OXNAD1: variants seen among roughly 807,000 people sequenced by gnomAD.
The protein encoded by OXNAD1 is oxidoreductase NAD binding domain containing 1.
OXNAD1 carries 34 observed loss-of-function variants against 32.9 expected under a neutral mutation model. The observed-to-expected ratio is 1.03, with a 90% confidence interval of 0.79 to 1.38. The LOEUF (loss-of-function observed/expected upper bound fraction) is 1.38. Ranked by LOEUF, OXNAD1 falls within the 40% of genes most tolerant of loss-of-function variation. The probability of loss-of-function intolerance (pLI) is 0.00; values close to 1 mark genes in which losing one functional copy is unlikely to be tolerated. For missense variants in OXNAD1, 407 were observed against 379.4 expected, an observed-to-expected ratio of 1.07 and a Z score of -0.60; for synonymous variants, 134 against 135.2, an observed-to-expected ratio of 0.99 and a Z score of 0.06.
intron 9 of OXNAD1, among the ~76,000 whole-genome samples, chr3:16,311,685 T>A (rs1051519011): frequency 2.0e-5 from 3 of 152,122 alleles, no homozygotes; most frequent in African/African-American, 7.2e-5. Flanking sequence ...TATCCCCTTC[T>A]TTGCTAAGAT....
chr3:16,310,465 A>C (rs950381409), downstream of OXNAD1, among the ~76,000 whole-genome samples: 2 of 152,214 alleles, frequency 1.3e-5, no homozygotes, highest in African/African-American at 4.8e-5. Flanking sequence ...GAAAAATCCA[A>C]ATCCAAACTG....
downstream of OXNAD1, among the ~76,000 whole-genome samples, chr3:16,311,029 T>TC (rs2067945672): frequency 6.8e-6 from 1 of 146,360 alleles, no homozygotes; most frequent in Non-Finnish European, 1.5e-5. Context: ...CTGGGAGAAT[T>TC]CCCACTCTGC....
rs1399422235 is a variant in OXNAD1 at position 16,321,955 on chromosome 3, CTG to C, written c.*31-15152_*31-15151del. On this transcript the variant is annotated intron_variant, in intron 9 of 9. Transcript: ENST00000435829. The surrounding 1 kb of genome is among the most constrained non-coding windows in gnomAD (Gnocchi z 4.8). ...CAACCACATGTCTCTCCTTTGGAATCTGTGTGCCCCACCACCAGGAACCTGTT... is the reference window on the plus strand; with the variant it reads ...CAACCACATGTCTCTCCTTTGGAATCTGTGCCCCACCACCAGGAACCTGTT... Among the ~76,000 whole-genome samples, 1 of 152,220 alleles carries C rather than the reference CTG, an allele frequency of 6.6e-6. No individual in the cohort carries two copies. The highest frequency in any genetic ancestry group is 1.5e-5 in the Non-Finnish European group (1 of 68,036).
rs1007066544 is a variant in OXNAD1, at chr3:16,301,686, C to G, written c.493C>G (p.Pro165Ala). Residue 165 changes from proline to alanine, a missense_variant, in exon 7 of 9, where the codon CCT (proline) becomes GCT (alanine). Pro to Ala is a conservative substitution (Grantham distance 27, BLOSUM62 -1). Coordinates refer to ENST00000285083, the MANE Select transcript of OXNAD1 (RefSeq NM_138381.5). The surrounding 1 kb of genome is among the most constrained non-coding windows in gnomAD (Gnocchi z 4.1). ...TGGAGAGTTCTTCTTTGACCCTCAGCCTGCGGATGCCTCTAGAAACCTCGT... is the reference window on the plus strand; with the variant it reads ...TGGAGAGTTCTTCTTTGACCCTCAGGCTGCGGATGCCTCTAGAAACCTCGT... ...VGGEFFFDPQ[P>A]ADASRNLVLI... 6.2e-7 allele frequency: 1 copy of G among 1,613,924 alleles called. No homozygotes were observed.
At chr3:16,328,262 G>A (rs928468221) in intron 9 of OXNAD1, among the ~76,000 whole-genome samples, 1 of 152,228 alleles carries the variant, frequency 6.6e-6, no homozygotes, top group Admixed American at 6.5e-5. Context: ...GGCAAAGCTG[G>A]GCCTAGAGTG....
rs2070906127 is a variant in OXNAD1, at chr3:16,336,893, G to A, written c.*31-219G>A. ...TTGTTATTATTACATGAAACATATT[G>A]TTTGGAAGAATGGTGTCTATTATGA... On this transcript the variant is annotated intron_variant, in intron 9 of 9. Coordinates refer to the OXNAD1 transcript ENST00000435829. This position sits in a 1 kb window ranked among gnomAD's most constrained non-coding sequence, Gnocchi z 6.0. 6.6e-6 allele frequency among the ~76,000 whole-genome samples: 1 copy of A among 152,116 alleles called. No homozygotes were observed. The highest frequency in any genetic ancestry group is 1.5e-5 in the Non-Finnish European group (1 of 68,022).
chr3:16,332,976 T>C (rs948612275), intron 9 of OXNAD1, among the ~76,000 whole-genome samples: 6 of 152,226 alleles, frequency 3.9e-5, no homozygotes, highest in African/African-American at 1.2e-4. Flanking sequence ...TGGAAGCATC[T>C]GGTCGCAACA....
At chr3:16,340,689 G>C (rs2071260156), downstream of OXNAD1, among the ~76,000 whole-genome samples, 1 of 152,216 alleles carries the variant, frequency 6.6e-6, no homozygotes, top group Non-Finnish European at 1.5e-5. Flanking sequence ...AGGTAACTCT[G>C]CAGTTATAGA....
At chr3:16,306,579 C>G (rs577045957), downstream of OXNAD1, among the ~76,000 whole-genome samples, 1 of 152,112 alleles carries the variant, frequency 6.6e-6, no homozygotes, top group East Asian at 1.9e-4. Flanking sequence ...CTCCTTACAC[C>G]CCCTACACAT....
rs560464968 is a variant in OXNAD1, at chr3:16,335,371, C to G, written c.*31-1741C>G. On this transcript the variant is annotated intron_variant, in intron 9 of 9. Coordinates refer to the OXNAD1 transcript ENST00000435829. This position sits in a 1 kb window ranked among gnomAD's most constrained non-coding sequence, Gnocchi z 4.7. The stretch of plus-strand genomic sequence containing the variant: ...CCCTTGGACAATCCTGCATGGGAAA[C>G]AGGCTTAAGAAGGGAGTTTGTACCA... Among the ~76,000 whole-genome samples the G allele has an allele frequency of 2.6e-5, 4 of 152,280 alleles. No homozygotes were observed. The East Asian group carries it at 7.7e-4, about 29-fold the overall frequency.
rs1031634920 is a variant in OXNAD1, at chr3:16,334,409, G to A, written c.*31-2703G>A. Among the ~76,000 whole-genome samples, 4 of 152,110 alleles carry A rather than the reference G, an allele frequency of 2.6e-5. No homozygotes were observed. The highest frequency in any genetic ancestry group is 9.7e-5 in the African/African-American group (4 of 41,386). On this transcript the variant is annotated intron_variant, in intron 9 of 9. Transcript: ENST00000435829. This position sits in a 1 kb window ranked among gnomAD's most constrained non-coding sequence, Gnocchi z 4.3. ...CCTTTGACCCAACAATCTCACTTCT[G>A]GGAATTTAACCTACGTATTAAAAAA...
In OXNAD1 at chr3:16,287,502, G is replaced by A. The variant is rs2066152647; in HGVS notation, c.290+1054G>A. On this transcript the variant is annotated intron_variant, in intron 5 of 8. Coordinates refer to ENST00000285083, the MANE Select transcript of OXNAD1 (RefSeq NM_138381.5). The surrounding 1 kb of genome is among the most constrained non-coding windows in gnomAD (Gnocchi z 4.8). Reference sequence around the variant, plus strand: ...TAAATGCATTTTGCCTGTTTTAGGGGGCGGGCAACATATTTACCCTTCAAA... The same window carrying A: ...TAAATGCATTTTGCCTGTTTTAGGGAGCGGGCAACATATTTACCCTTCAAA... Among the ~76,000 whole-genome samples, 2 of 152,160 alleles carry A rather than the reference G, an allele frequency of 1.3e-5. No homozygotes were observed. Among genetic ancestry groups the A allele is most frequent in the Admixed American group, 1.3e-4 (2 of 15,268 alleles).
chr3:16,321,504 A>C lies in OXNAD1; in HGVS notation c.*31-15608A>C, dbSNP rs921428489. On this transcript the variant is annotated intron_variant, in intron 9 of 9. Coordinates refer to the OXNAD1 transcript ENST00000435829. The surrounding 1 kb of genome is among the most constrained non-coding windows in gnomAD (Gnocchi z 4.8). ...TCACCAGGGGACACAGGCCTGTGGG[A>C]GTAGGACGCTGACCCTTGTCAGCTG... 5.9e-5 allele frequency among the ~76,000 whole-genome samples: 9 copies of C among 152,080 alleles called. No homozygotes were observed. Among genetic ancestry groups the C allele is most frequent in the Admixed American group, 1.3e-4 (2 of 15,284 alleles).
Position 16,301,262 on chromosome 3 carries a change from A to C in OXNAD1, c.433-364A>C, listed in dbSNP as rs1478398428. 6.6e-6 allele frequency among the ~76,000 whole-genome samples: 1 copy of C among 152,226 alleles called. No homozygotes were observed. Among genetic ancestry groups the C allele is most frequent in the Non-Finnish European group, 1.5e-5 (1 of 68,042 alleles). On this transcript the variant is annotated intron_variant, in intron 6 of 8. Coordinates refer to ENST00000285083, the MANE Select transcript of OXNAD1 (RefSeq NM_138381.5). This position sits in a 1 kb window ranked among gnomAD's most constrained non-coding sequence, Gnocchi z 4.1. ...CTCTCAGCTTTGGTTAGAACACAGG[A>C]ACACAACTCAGATAAAGGAGACCCA...
intron 4 of OXNAD1, among the ~76,000 whole-genome samples, chr3:16,282,367 TA>T (rs60328037): frequency 0.41 from 59,735 of 145,464 alleles, 12,116 homozygotes; most frequent in East Asian, 0.48. Flanking sequence ...CCACCCAGCT[TA>T]AAAAAAAAAA....
chr3:16,309,394 C>T (rs2067799150), downstream of OXNAD1, among the ~76,000 whole-genome samples: 1 of 152,168 alleles, frequency 6.6e-6, no homozygotes. Context: ...TATGAAAGTG[C>T]CCATTTCTAG....
At position 16,270,779 on chromosome 3, in the gene OXNAD1, G is replaced by A. The variant is rs1010867812; in HGVS notation, c.-8-166G>A. 4.4e-6 allele frequency: 4 copies of A among 908,124 alleles called. No homozygotes were observed. The African/African-American group carries it at 5.1e-5, about 11-fold the overall frequency. The allele number at this position is 908,124 out of a possible 1,614,324, so 56.3% of individuals were successfully genotyped here. On this transcript the variant is annotated intron_variant, in intron 2 of 8. Coordinates refer to ENST00000285083, the MANE Select transcript of OXNAD1 (RefSeq NM_138381.5). ...CTTGAGTCAACTCTAAATAGTGGCA[G>A]AAATTTTGTCAAGGTGAAGTTAGGC...
In OXNAD1 at chr3:16,348,067, C is replaced by T. The variant is rs2071854065; in HGVS notation, c.*31-1109C>T. On this transcript the variant is annotated intron_variant, in intron 9 of 9. Coordinates refer to the OXNAD1 transcript ENST00000606098. This position sits in a 1 kb window ranked among gnomAD's most constrained non-coding sequence, Gnocchi z 6.3. ...GCTCAGAGTTGTCCCCATCTGAGGC[C>T]AGGGAGCAGGGCTTTCATACACCCA... 6.6e-6 allele frequency: 1 copy of T among 152,136 alleles called. No homozygotes were observed. Among genetic ancestry groups the T allele is most frequent in the Non-Finnish European group, 1.5e-5 (1 of 68,042 alleles). 9.4% of individuals were successfully genotyped at this position (152,136 alleles called of 1,614,324 possible). A position where few individuals can be genotyped will look rare whatever the true frequency, so the allele number is the denominator to read the frequency against.
At position 16,334,959 on chromosome 3, in the gene OXNAD1, C is replaced by T. The variant is rs368259752; in HGVS notation, c.*31-2153C>T. On this transcript the variant is annotated intron_variant, in intron 9 of 9. Transcript: ENST00000435829. This position sits in a 1 kb window ranked among gnomAD's most constrained non-coding sequence, Gnocchi z 4.3. ...CTGGAGTGATGCAGGGAAGGGGCCACGAGCCAAGGAACATGGGCAGCTTCC... is the reference window on the plus strand; with the variant it reads ...CTGGAGTGATGCAGGGAAGGGGCCATGAGCCAAGGAACATGGGCAGCTTCC... 6.2e-4 allele frequency among the ~76,000 whole-genome samples: 94 copies of T among 152,244 alleles called. No homozygotes were observed. In the South Asian group the frequency reaches 0.016, roughly 26 times the overall value.
Sources: allele counts gnomAD v4.1 joint callset (sites outside exome capture counted in the v4.1 genomes callset), GRCh38; gene constraint gnomAD v4.1.1; non-coding constraint Gnocchi (gnomAD v3.1); transcripts MANE v1.5; gene names NCBI Gene and HGNC (gene_info 2026-07-23, HGNC 2026-07-21).